The following PPT1 variants were observed in gnomAD, a reference collection of about 807,000 sequenced individuals.
PPT1 encodes the protein palmitoyl-protein thioesterase 1.
Under a neutral mutation model 44.0 loss-of-function variants are expected in PPT1, and 24 were observed. The observed-to-expected ratio is 0.54, with a 90% CI of 0.39 to 0.77. The LOEUF (loss-of-function observed/expected upper bound fraction) is 0.77. Ranked by LOEUF, PPT1 falls within the 30% of genes least tolerant of loss-of-function variation. The pLI, the probability that PPT1 is intolerant of heterozygous loss-of-function variation, is 0.00. For missense variants in PPT1, 341 were observed against 378.8 expected, an observed-to-expected ratio of 0.90 and a Z score of 0.83; for synonymous variants, 148 against 140.2, an observed-to-expected ratio of 1.06 and a Z score of -0.39.
intron 5 of PPT1, among the ~76,000 whole-genome samples, chr1:40,081,191 T>C (rs945579962): frequency 6.6e-6 from 1 of 152,144 alleles, no homozygotes; most frequent in Non-Finnish European, 1.5e-5. Flanking sequence ...GGGTCTTTCC[T>C]GTGCTGTTCT....
intron 5 of PPT1, among the ~76,000 whole-genome samples, chr1:40,086,161 G>C (rs1362571183): frequency 6.6e-6 from 1 of 152,176 alleles, no homozygotes; most frequent in African/African-American, 2.4e-5. Flanking sequence ...GCTGGTACGG[G>C]GGAAGACGGA....
In PPT1 at chr1:40,097,176, A is replaced by G. The variant is rs774746695; in HGVS notation, c.63T>C (p.Ser21=). Residue 21 remains serine, a synonymous_variant, in exon 1 of 9, where the codon TCT becomes TCC. Transcript: ENST00000642050. ...GCGGGTCCAGATGCTGCAGCGCCCG[A>G]GAAGCGCAGGTCCATGGCAGGAGAG... ...AVALLPWTCA[S]RALQHLDPPA... is the part of the protein sequence containing the mutation. The G allele has an allele frequency of 3.7e-6, 6 of 1,614,096 alleles. No homozygotes were observed. Among genetic ancestry groups the G allele is most frequent in the Middle Eastern group, 1.6e-4 (1 of 6,062 alleles).
chr1:40,092,083 G>T lies in PPT1; in HGVS notation c.324C>A (p.Gly108=). 4 of 1,614,098 alleles carry T rather than the reference G, an allele frequency of 2.5e-6. No individual in the cohort carries two copies. The highest frequency in any genetic ancestry group is 3.4e-6 in the Non-Finnish European group (4 of 1,180,006). The change falls in exon 3 of 9, where the codon GGC becomes GGA. Residue 108 remains glycine, a synonymous_variant. Transcript: ENST00000642050. The part of the protein sequence containing the change: ...ALAKDPKLQQ[G]YNAMGFSQGG... ...CCTGGGAGAATCCCATAGCATTGTA[G>T]CCTTGCTGCAATTTAGGATCCTTAG...
chr1:40,090,723 G>A (rs1649519940), intron 4 of PPT1, among the ~76,000 whole-genome samples: 1 of 152,186 alleles, frequency 6.6e-6, no homozygotes, highest in African/African-American at 2.4e-5. Context: ...CCATCTGTGA[G>A]TGGAACCTAA....
At chr1:40,072,405 G>GCCATA (rs1648234710), downstream of PPT1, 1 of 247,220 alleles carries the variant, frequency 4.0e-6, no homozygotes, top group Non-Finnish European at 7.6e-6. Context: ...CTGAACAGAG[G>GCCATA]ACTGAAACCT....
At position 40,073,697 on chromosome 1, in the gene PPT1, C is replaced by T. The variant is rs1272166983; in HGVS notation, c.*364G>A. The T allele has an allele frequency of 4.1e-6, 1 of 242,780 alleles. No homozygotes were observed. The highest frequency in any genetic ancestry group is 8.2e-6 in the Non-Finnish European group (1 of 121,276). The allele number at this position is 242,780 out of a possible 1,614,324, so 15.0% of individuals were successfully genotyped here. On this transcript the variant is annotated 3_prime_UTR_variant, in exon 9 of 9. Coordinates refer to ENST00000642050, the MANE Select transcript of PPT1 (RefSeq NM_000310.4). ...CCTCTTTGCTTGAAATATGGCAAGA[C>T]TTGGAAAAATGTTTGCCCTTAGAAT...
At chr1:40,096,771 G>C in intron 1 of PPT1, 1 of 330,120 alleles carries the variant, frequency 3.0e-6, no homozygotes, top group Non-Finnish European at 5.8e-6. Flanking sequence ...ATAAATAAAA[G>C]GGTAGATGCG....
At chr1:40,097,024 C>T in intron 1 of PPT1, 91 bp downstream of exon 1, 1 of 1,609,606 alleles carries the variant, frequency 6.2e-7, no homozygotes, top group Non-Finnish European at 8.5e-7. Context: ...GGGACCACGT[C>T]CTCGCCCTCT....
chr1:40,091,892 T>C (rs1457813760), intron 3 of PPT1, among the ~76,000 whole-genome samples, 153 bp downstream of exon 3: 1 of 151,162 alleles, frequency 6.6e-6, no homozygotes, highest in African/African-American at 2.4e-5. Flanking sequence ...GAAAAGAAAT[T>C]AAGTTCCATA....
chr1:40,088,196 T>G (rs987762825), intron 5 of PPT1, among the ~76,000 whole-genome samples: 6 of 150,888 alleles, frequency 4.0e-5, no homozygotes, highest in Non-Finnish European at 5.9e-5. Flanking sequence ...TAGGCTAGAG[T>G]GCAGTGGCGC....
rs1304995594 is a variant in PPT1, at chr1:40,092,379, C to T, written c.234+19G>A. ...ATCAGTCAGCAACCCTTCAAAGGAA[C>T]AGCTGTGAAGCGCCTTACCTCCATC... On this transcript the variant is annotated intron_variant, in intron 2 of 8. Coordinates refer to ENST00000642050, the MANE Select transcript of PPT1 (RefSeq NM_000310.4). 6.4e-7 allele frequency: 1 copy of T among 1,572,108 alleles called. No homozygotes were observed. The highest frequency in any genetic ancestry group is 1.1e-5 in the South Asian group (1 of 90,208).
chr1:40,080,332 T>A, intron 6 of PPT1, 65 bp downstream of exon 6: 1 of 1,482,070 alleles, frequency 6.7e-7, no homozygotes, highest in Non-Finnish European at 9.4e-7. Context: ...CACTGCTGAT[T>A]TGTTTATGAA....
chr1:40,089,622 A>C, intron 4 of PPT1, 110 bp from the exon 5 acceptor site: 2 of 783,568 alleles, frequency 2.6e-6, no homozygotes, highest in Non-Finnish European at 4.5e-6. Context: ...CTCTGATTTC[A>C]TTCACTTATT....
rs781759073 is a variant in PPT1 at position 40,074,088 on chromosome 1, A to C, written c.894T>G (p.Tyr298Ter). 3 of 1,614,122 alleles carry C rather than the reference A, an allele frequency of 1.9e-6. No individual in the cohort carries two copies. The African/African-American group carries it at 4.0e-5, about 22-fold the overall frequency. The change falls in exon 9 of 9, where the codon TAT becomes TAG. Residue 298 changes from tyrosine to a stop codon, truncating the protein, a stop_gained. Transcript: ENST00000642050. LOFTEE classifies it high-confidence loss of function. ...DHLQLSEEWF[Y>*]AHIIPFLG ...ATCCAAGGAATGGTATGATGTGGGC[A>C]TAAAACCATTCTTCAGACAACTGAA... is the stretch of plus-strand genomic sequence containing the variant.
At chr1:40,078,389 A>G (rs1648739044) in intron 7 of PPT1, among the ~76,000 whole-genome samples, 171 bp downstream of exon 7, 1 of 152,162 alleles carries the variant, frequency 6.6e-6, no homozygotes, top group African/African-American at 2.4e-5. Flanking sequence ...TTGAGTAGCG[A>G]TGGGGTTTCA....
intron 4 of PPT1, among the ~76,000 whole-genome samples, chr1:40,089,765 A>G (rs1394632501): frequency 2.0e-5 from 3 of 152,090 alleles, no homozygotes; most frequent in African/African-American, 7.2e-5. Flanking sequence ...GGCTGGACGC[A>G]TTTTCAGCTC....
In PPT1 at chr1:40,083,409, C is replaced by G. The variant is rs375276697; in HGVS notation, c.537-2922G>C. On this transcript the variant is annotated intron_variant, in intron 5 of 8. Coordinates refer to ENST00000642050, the MANE Select transcript of PPT1 (RefSeq NM_000310.4). ...GGTGAAGGCTGCAGTGAGCTGTGAT[C>G]ACACCACTGCACTCTAGTCTGGGCA... Among the ~76,000 whole-genome samples the G allele has an allele frequency of 1.4e-3, 212 of 152,266 alleles. 1 individual carries two copies. The highest frequency in any genetic ancestry group is 4.9e-3 in the African/African-American group (205 of 41,546).
intron 3 of PPT1, 142 bp downstream of exon 3, chr1:40,091,903 A>G: frequency 9.2e-7 from 1 of 1,085,290 alleles, no homozygotes; most frequent in Non-Finnish European, 1.3e-6. Context: ...AAGTTCCATA[A>G]AGCTTCTTAC....
At position 40,073,723 on chromosome 1, in the gene PPT1, C is replaced by T. The variant is rs1648403948; in HGVS notation, c.*338G>A. 3.5e-6 allele frequency: 1 copy of T among 288,270 alleles called. No individual in the cohort carries two copies. The highest frequency in any genetic ancestry group is 6.7e-6 in the Non-Finnish European group (1 of 148,260). 17.9% of individuals were successfully genotyped at this position (288,270 alleles called of 1,614,324 possible). ...TTGGAAAAATGTTTGCCCTTAGAAT[C>T]TATCTCACTACTTTAGTTAGTTGTC... On this transcript the variant is annotated 3_prime_UTR_variant, in exon 9 of 9. Coordinates refer to ENST00000642050, the MANE Select transcript of PPT1 (RefSeq NM_000310.4).
Sources: allele counts gnomAD v4.1 joint callset (sites outside exome capture counted in the v4.1 genomes callset), GRCh38; gene constraint gnomAD v4.1.1; transcripts MANE v1.5; gene names NCBI Gene and HGNC (gene_info 2026-07-23, HGNC 2026-07-21).